CHSY3: variants seen among roughly 807,000 people sequenced by gnomAD.
CHSY3 encodes chondroitin sulfate synthase 3, also known as N-acetylgalactosaminyl-proteoglycan 3-beta-glucuronosyltransferase 3.
Under a neutral mutation model 67.2 loss-of-function variants are expected in CHSY3, and 35 were observed. The ratio of observed to expected loss-of-function variants is 0.52; its 90% CI spans 0.40 to 0.69. The LOEUF (loss-of-function observed/expected upper bound fraction) is 0.69. CHSY3 is among the 30% of genes least tolerant of loss of function. The pLI is 0.00. For missense variants in CHSY3, 1,069 were observed against 1,138.5 expected (o/e 0.94, Z 0.88); for synonymous variants, 474 against 434.7 (o/e 1.09, Z -1.12).
Position 130,018,000 on chromosome 5 carries a change from C to T in CHSY3, c.1086+109640C>T, listed in dbSNP as rs76385174. 1.2e-3 allele frequency among the ~76,000 whole-genome samples: 186 copies of T among 152,212 alleles called. 1 individual carries two copies. The East Asian group carries it at 0.029, about 24-fold the overall frequency. Reference sequence around the variant, plus strand: ...GTAGTAACTGTTCGGTTTCTGTGCCCACTGTCTGGTAATCTGATGTGGATC... The same window carrying T: ...GTAGTAACTGTTCGGTTTCTGTGCCTACTGTCTGGTAATCTGATGTGGATC... On this transcript the variant is annotated intron_variant, in intron 2 of 2. Coordinates refer to ENST00000305031, the MANE Select transcript of CHSY3 (RefSeq NM_175856.5).
At chr5:129,935,331 G>A (rs551740388) in intron 2 of CHSY3, among the ~76,000 whole-genome samples, 1 of 152,120 alleles carries the variant, frequency 6.6e-6, no homozygotes, top group East Asian at 1.9e-4. Flanking sequence ...TTTAATTTTG[G>A]CAGTCTATAT....
chr5:130,111,005 A>C (rs1580742470), intron 2 of CHSY3, among the ~76,000 whole-genome samples: 1 of 151,876 alleles, frequency 6.6e-6, no homozygotes, highest in East Asian at 1.9e-4. Flanking sequence ...CCAACATTTA[A>C]TTTCTTATGT....
chr5:130,183,131 T>A (rs1290939103), intron 2 of CHSY3, among the ~76,000 whole-genome samples: 1 of 152,158 alleles, frequency 6.6e-6, no homozygotes, highest in Non-Finnish European at 1.5e-5. Flanking sequence ...TTCTTCCTTC[T>A]TTTTATTGTT....
rs1317641567 is a variant in CHSY3, at chr5:129,953,029, G to A, written c.1086+44669G>A. Among the ~76,000 whole-genome samples, 15 of 151,894 alleles carry A rather than the reference G, an allele frequency of 9.9e-5. No individual in the cohort carries two copies. In the East Asian group the frequency reaches 2.9e-3, roughly 29 times the overall value. On this transcript the variant is annotated intron_variant, in intron 2 of 2. Coordinates refer to ENST00000305031, the MANE Select transcript of CHSY3 (RefSeq NM_175856.5). ...AAGTTCTGGAATACATGTGCAGAAC[G>A]TGCAGGTTTGTTACATAGGTATACA...
rs769603202 is a variant in CHSY3, at chr5:129,905,294, C to A, written c.465C>A (p.Asn155Lys). Residue 155 changes from asparagine (N) to lysine (K), a missense_variant, in exon 1 of 3, where the codon AAC becomes AAA. Coordinates refer to ENST00000305031, the MANE Select transcript of CHSY3 (RefSeq NM_175856.5). The stretch of plus-strand genomic sequence containing the variant: ...ACGGCCGGCCGGGGAGTAGCCACAA[C>A]GGCAGCGGGGACGGGGGCGCTGCCG... ...RRDGRPGSSHNGSGDGGAAAP... is the reference protein window; with the variant it reads ...RRDGRPGSSHKGSGDGGAAAP... 13 of 1,482,716 alleles carry A rather than the reference C, an allele frequency of 8.8e-6. No individual in the cohort carries two copies. The highest frequency in any genetic ancestry group is 1.4e-5 in the African/African-American group (1 of 71,580). The allele number at this position is 1,482,716 out of a possible 1,614,324, so 91.8% of individuals were successfully genotyped here.
At chr5:130,032,616 CCT>C (rs1452813033) in intron 2 of CHSY3, among the ~76,000 whole-genome samples, 1 of 152,048 alleles carries the variant, frequency 6.6e-6, no homozygotes, top group Non-Finnish European at 1.5e-5. Context: ...GTTCTACCCG[CCT>C]CACTTCAGGT....
intron 2 of CHSY3, among the ~76,000 whole-genome samples, chr5:129,971,844 G>C (rs1762648023): frequency 6.6e-6 from 1 of 151,980 alleles, no homozygotes; most frequent in Non-Finnish European, 1.5e-5. Flanking sequence ...TCTAAAATTA[G>C]ACATGAGACT....
chr5:130,157,458 G>C (rs1769404646), intron 2 of CHSY3, among the ~76,000 whole-genome samples: 1 of 152,196 alleles, frequency 6.6e-6, no homozygotes, highest in African/African-American at 2.4e-5. Context: ...ATGAAGACAT[G>C]TCATATGGAA....
chr5:129,932,513 A>G (rs1761349830), intron 2 of CHSY3, among the ~76,000 whole-genome samples: 1 of 152,170 alleles, frequency 6.6e-6, no homozygotes, highest in South Asian at 2.1e-4. Context: ...TAACTAGCCA[A>G]ACTGACACAT....
chr5:130,177,917 T>C (rs1433818559), intron 2 of CHSY3, among the ~76,000 whole-genome samples: 1 of 151,952 alleles, frequency 6.6e-6, no homozygotes, highest in East Asian at 1.9e-4. Flanking sequence ...GTTCCTTAAT[T>C]CCTTAAACTT....
At chr5:130,069,832 C>A (rs1766003539) in intron 2 of CHSY3, among the ~76,000 whole-genome samples, 1 of 152,030 alleles carries the variant, frequency 6.6e-6, no homozygotes, top group South Asian at 2.1e-4. Context: ...CTTACCAATT[C>A]TTTCTCTTCT....
chr5:130,094,343 A>G (rs942128040), intron 2 of CHSY3, among the ~76,000 whole-genome samples: 1 of 152,190 alleles, frequency 6.6e-6, no homozygotes, highest in African/African-American at 2.4e-5. Context: ...TAAAGACCAA[A>G]TCTGAATACT....
At position 130,178,251 on chromosome 5, in the gene CHSY3, A is replaced by ATTTTTTTTTTTT. The variant is rs1298647034; in HGVS notation, c.1087-5977_1087-5976insTTTTTTTTTTTT. ...TTTATATATATATATATATATATAT[A>ATTTTTTTTTTTT]TATTTTTTTTTTTTTTTTTCCTGAG... On this transcript the variant is annotated intron_variant, in intron 2 of 2. Transcript: ENST00000305031. 3.6e-3 allele frequency among the ~76,000 whole-genome samples: 228 copies of ATTTTTTTTTTTT among 62,696 alleles called. 3 individuals are homozygous for ATTTTTTTTTTTT. The highest frequency in any genetic ancestry group is 0.011 in the East Asian group (19 of 1,774). The allele number at this position is 62,696 out of a possible 152,430, so 41.1% of individuals were successfully genotyped here. A position where few individuals can be genotyped will look rare whatever the true frequency, so the allele number is the denominator to read the frequency against.
chr5:129,987,808 T>C (rs1360637018), intron 2 of CHSY3, among the ~76,000 whole-genome samples: 1 of 152,214 alleles, frequency 6.6e-6, no homozygotes, highest in Non-Finnish European at 1.5e-5. Flanking sequence ...GCATATTCCA[T>C]TTGGACTGTT....
chr5:130,122,213 A>G (rs1423801675), intron 2 of CHSY3, among the ~76,000 whole-genome samples: 1 of 152,256 alleles, frequency 6.6e-6, no homozygotes, highest in Non-Finnish European at 1.5e-5. Flanking sequence ...AGCCTGTGAT[A>G]ACAGCAGATT....
At chr5:129,994,375 A>G (rs1249972888) in intron 2 of CHSY3, among the ~76,000 whole-genome samples, 1 of 152,112 alleles carries the variant, frequency 6.6e-6, no homozygotes, top group Admixed American at 6.6e-5. Flanking sequence ...TGGTCTTTTC[A>G]CATAGTCCCA....
chr5:130,112,611 A>T (rs1000159144), intron 2 of CHSY3, among the ~76,000 whole-genome samples: 20 of 152,152 alleles, frequency 1.3e-4, no homozygotes, highest in African/African-American at 4.8e-4. Context: ...GAACAATATA[A>T]GTGTAAAAGT....
intron 2 of CHSY3, among the ~76,000 whole-genome samples, chr5:130,084,798 T>C (rs934141551): frequency 1.3e-5 from 2 of 151,844 alleles, no homozygotes; most frequent in African/African-American, 2.4e-5. Context: ...GATTTTCTGA[T>C]TGGCAATTGG....
At chr5:129,962,568 A>G (rs1267222542) in intron 2 of CHSY3, among the ~76,000 whole-genome samples, 3 of 152,012 alleles carry the variant, frequency 2.0e-5, no homozygotes, top group Non-Finnish European at 4.4e-5. Context: ...AAAACACAAT[A>G]TAAAGACCAC....
Sources: gnomAD v4.1 joint callset for allele counts (sites outside exome capture counted in the v4.1 genomes callset) on GRCh38, gnomAD v4.1.1 for gene constraint, MANE v1.5 for transcripts, NCBI Gene and HGNC (gene_info 2026-07-23, HGNC 2026-07-21) for gene names.